STK32A: variants seen among roughly 807,000 people sequenced by gnomAD.
The protein encoded by STK32A is serine/threonine kinase 32A, also known as serine/threonine-protein kinase 32A.
Under a neutral mutation model 53.2 loss-of-function variants are expected in STK32A, and 41 were observed. The ratio of observed to expected loss-of-function variants is 0.77; its 90% CI spans 0.60 to 1.00. The LOEUF is 1.00. Among genes scored for constraint, STK32A ranks in the 50% least tolerant of loss-of-function variants. STK32A has a pLI of 0.00. For synonymous variants in STK32A, 166 were observed against 162.8 expected, an observed-to-expected ratio of 1.02 and a Z score of -0.15; for missense variants, 458 against 485.8, an observed-to-expected ratio of 0.94 and a Z score of 0.54.
At chr5:147,338,472 T>C (rs1755248032) in intron 5 of STK32A, among the ~76,000 whole-genome samples, 2 of 151,846 alleles carry the variant, frequency 1.3e-5, no homozygotes, top group African/African-American at 4.8e-5. Flanking sequence ...AGCCAATTGG[T>C]ATGAGGAGTG....
At chr5:147,266,627 G>A (rs1311316745) in intron 2 of STK32A, among the ~76,000 whole-genome samples, 4 of 152,092 alleles carry the variant, frequency 2.6e-5, no homozygotes, top group Non-Finnish European at 4.4e-5. Context: ...TGGATATAGC[G>A]AAGAACAAGA....
intron 2 of STK32A, among the ~76,000 whole-genome samples, chr5:147,276,502 T>C (rs1016716084): frequency 5.9e-5 from 9 of 152,168 alleles, no homozygotes; most frequent in Non-Finnish European, 1.0e-4. Flanking sequence ...GTTCACACTA[T>C]CCATATTTAT....
intron 2 of STK32A, among the ~76,000 whole-genome samples, chr5:147,241,415 C>T (rs1203629605): frequency 6.6e-6 from 1 of 152,090 alleles, no homozygotes; most frequent in Non-Finnish European, 1.5e-5. Context: ...GGAGGCGGAG[C>T]TTGCAGTGAG....
chr5:147,328,201 G>T (rs1561723511), intron 5 of STK32A, among the ~76,000 whole-genome samples: 1 of 152,174 alleles, frequency 6.6e-6, no homozygotes, highest in East Asian at 1.9e-4. Flanking sequence ...ATGGATGGAA[G>T]TCCTCACTTG....
intron 7 of STK32A, among the ~76,000 whole-genome samples, chr5:147,352,304 G>A (rs755351554): frequency 2.0e-5 from 3 of 152,154 alleles, no homozygotes; most frequent in Non-Finnish European, 4.4e-5. Flanking sequence ...TGTGTGTAGC[G>A]AGGTGAGGAA....
In STK32A at chr5:147,371,917, A is replaced by G. The variant is rs1757020761; in HGVS notation, c.777+1147A>G. ...AACTTTAGCTCTTAGCTCAAATATC[A>G]CCTTCTTGGTGTAAGTTCACATAAC... On this transcript the variant is annotated intron_variant, in intron 9 of 12. Transcript: ENST00000397936. Among the ~76,000 whole-genome samples, 3 of 152,168 alleles carry G rather than the reference A, an allele frequency of 2.0e-5. No individual in the cohort carries two copies. The South Asian group carries it at 6.2e-4, about 32-fold the overall frequency.
chr5:147,331,596 G>T (rs1282506253), intron 5 of STK32A, among the ~76,000 whole-genome samples: 1 of 152,176 alleles, frequency 6.6e-6, no homozygotes, highest in African/African-American at 2.4e-5. Context: ...AGAAAGATTT[G>T]TTGAAGTCCT....
In STK32A at chr5:147,375,156, C is replaced by T; in HGVS notation, c.970C>T (p.His324Tyr). 4 of 1,610,034 alleles carry T rather than the reference C, an allele frequency of 2.5e-6. No individual in the cohort carries two copies. The highest frequency in any genetic ancestry group is 3.4e-6 in the Non-Finnish European group (4 of 1,178,208). ...EEMILESKPLHKKKKRLAKKE... is the reference protein window; with the variant it reads ...EEMILESKPLYKKKKRLAKKE... Reference sequence around the variant, plus strand: ...AATGATTTTGGAGTCCAAACCTCTACATAAGAAAAAAAAGCGTCTGGCAAA... The same window carrying T: ...AATGATTTTGGAGTCCAAACCTCTATATAAGAAAAAAAAGCGTCTGGCAAA... Residue 324 changes from histidine (H) to tyrosine (Y), a missense_variant, in exon 11 of 13, where the codon CAT (histidine) becomes TAT (tyrosine). Coordinates refer to ENST00000397936, the MANE Select transcript of STK32A (RefSeq NM_001112724.2).
chr5:147,298,603 T>G lies in STK32A; in HGVS notation c.260+19205T>G, dbSNP rs115288648. On this transcript the variant is annotated intron_variant, in intron 4 of 12. Coordinates refer to ENST00000397936, the MANE Select transcript of STK32A (RefSeq NM_001112724.2). ...GGAGGAAACCTCAGTTTTAGATAGTTGAACTGCCTTCAGAATCTGGCCAGT... is the reference window on the plus strand; with the variant it reads ...GGAGGAAACCTCAGTTTTAGATAGTGGAACTGCCTTCAGAATCTGGCCAGT... 5.1e-3 allele frequency among the ~76,000 whole-genome samples: 780 copies of G among 152,320 alleles called. 6 individuals are homozygous for G. The highest frequency in any genetic ancestry group is 5.9e-3 in the Non-Finnish European group (399 of 68,010).
chr5:147,374,022 T>C (rs143440298), intron 10 of STK32A, among the ~76,000 whole-genome samples: 1,562 of 152,214 alleles, frequency 0.01, 27 homozygotes, highest in African/African-American at 0.035. Flanking sequence ...TTGGCTGTCA[T>C]GGCAGCTCAG....
At chr5:147,323,576 A>C (rs990311347) in intron 4 of STK32A, among the ~76,000 whole-genome samples, 1 of 152,162 alleles carries the variant, frequency 6.6e-6, no homozygotes, top group Non-Finnish European at 1.5e-5. Flanking sequence ...TAAATGGATA[A>C]CTTGGGTTCT....
At chr5:147,250,486 T>G (rs10515579) in intron 2 of STK32A, among the ~76,000 whole-genome samples, 23,783 of 152,134 alleles carry the variant, frequency 0.16, 2,155 homozygotes, top group East Asian at 0.34. Context: ...ACACTACTCT[T>G]GTTGTAGTTC....
intron 2 of STK32A, among the ~76,000 whole-genome samples, chr5:147,265,937 T>C (rs1754790090): frequency 6.6e-6 from 1 of 152,198 alleles, no homozygotes; most frequent in African/African-American, 2.4e-5. Context: ...CAATTTGTCC[T>C]TTTTCACCCT....
chr5:147,295,432 A>C (rs1230309127), intron 4 of STK32A, among the ~76,000 whole-genome samples: 1 of 152,218 alleles, frequency 6.6e-6, no homozygotes, highest in African/African-American at 2.4e-5. Context: ...GTTGCCACCT[A>C]AGCAAGAACC....
chr5:147,249,105 G>A (rs1446799323), intron 2 of STK32A, among the ~76,000 whole-genome samples: 1 of 152,032 alleles, frequency 6.6e-6, no homozygotes, highest in Non-Finnish European at 1.5e-5. Flanking sequence ...TTAGGACAAT[G>A]TAATAAGCAT....
At chr5:147,331,621 C>G (rs76045179) in intron 5 of STK32A, among the ~76,000 whole-genome samples, 14 of 152,334 alleles carry the variant, frequency 9.2e-5, no homozygotes, top group Non-Finnish European at 1.8e-4. Flanking sequence ...TCCAGTGCCT[C>G]AGACTGTCAT....
At chr5:147,260,601 G>C (rs2400288) in intron 2 of STK32A, among the ~76,000 whole-genome samples, 35,283 of 151,738 alleles carry the variant, frequency 0.23, 4,587 homozygotes, top group Admixed American at 0.33. Flanking sequence ...GTCCTGGAAG[G>C]CTCAACCCCT....
intron 2 of STK32A, among the ~76,000 whole-genome samples, chr5:147,240,951 T>C (rs555703128): frequency 1.3e-5 from 2 of 152,310 alleles, no homozygotes; most frequent in East Asian, 3.9e-4. Flanking sequence ...CACTTATTTA[T>C]AGGATTTGCT....
intron 11 of STK32A, among the ~76,000 whole-genome samples, chr5:147,376,649 C>A (rs747202205): frequency 6.6e-6 from 1 of 152,120 alleles, no homozygotes; most frequent in Non-Finnish European, 1.5e-5. Context: ...ACCCTCCAAC[C>A]TCACAGGCCC....
Sources: allele counts gnomAD v4.1 joint callset (sites outside exome capture counted in the v4.1 genomes callset), GRCh38; gene constraint gnomAD v4.1.1; transcripts MANE v1.5; gene names NCBI Gene and HGNC (gene_info 2026-07-23, HGNC 2026-07-21).